MED13L: variants seen among roughly 807,000 people sequenced by gnomAD.
The protein encoded by MED13L is mediator complex subunit 13L.
Under a neutral mutation model 220.9 loss-of-function variants are expected in MED13L, and 7 were observed. That is an observed-to-expected ratio of 0.03 (90% CI 0.02 to 0.06). The LOEUF is 0.06. Among genes scored for constraint, MED13L ranks in the 10% least tolerant of loss-of-function variants. The pLI, the probability that MED13L is intolerant of heterozygous loss-of-function variation, is 1.00. For missense variants in MED13L, 1,965 were observed against 2,760.5 expected, an observed-to-expected ratio of 0.71 and a Z score of 6.46; for synonymous variants, 1,011 against 1,015.2, an observed-to-expected ratio of 1.00 and a Z score of 0.08.
At chr12:116,175,307 T>A (rs1239039755) in intron 2 of MED13L, among the ~76,000 whole-genome samples, 4 of 152,114 alleles carry the variant, frequency 2.6e-5, no homozygotes, top group Admixed American at 1.3e-4. Context: ...CTGAGTCCCC[T>A]ATTATGTGAG....
chr12:116,158,734 T>C (rs1352931567), intron 2 of MED13L, among the ~76,000 whole-genome samples: 7 of 152,226 alleles, frequency 4.6e-5, no homozygotes, highest in Non-Finnish European at 8.8e-5. Flanking sequence ...AGCATTGTGG[T>C]AATGTTGATA....
chr12:116,002,434 T>C (rs945748945), intron 14 of MED13L, among the ~76,000 whole-genome samples: 5 of 152,216 alleles, frequency 3.3e-5, no homozygotes, highest in Non-Finnish European at 7.3e-5. Flanking sequence ...CCACATAAGC[T>C]ACCCTTTTTT....
chr12:116,243,103 T>C (rs931584567), intron 1 of MED13L, among the ~76,000 whole-genome samples: 1 of 152,212 alleles, frequency 6.6e-6, no homozygotes, highest in Non-Finnish European at 1.5e-5. Flanking sequence ...TGCCTTCTTT[T>C]ACATGTTATC....
chr12:116,067,423 C>T (rs1870032797), intron 4 of MED13L, among the ~76,000 whole-genome samples: 1 of 152,156 alleles, frequency 6.6e-6, no homozygotes, highest in African/African-American at 2.4e-5. Context: ...TGCACTTTAA[C>T]AGACCTTTTG....
intron 25 of MED13L, 82 bp from the exon 26 acceptor site, chr12:115,972,318 G>T: frequency 9.1e-6 from 14 of 1,539,994 alleles, no homozygotes; most frequent in Non-Finnish European, 1.2e-5. Context: ...AGTTCTGCCC[G>T]GTAATTGAAT....
intron 4 of MED13L, among the ~76,000 whole-genome samples, chr12:116,091,698 G>C (rs1015231337): frequency 6.6e-6 from 1 of 152,162 alleles, no homozygotes; most frequent in African/African-American, 2.4e-5. Context: ...ACTGCAATCT[G>C]AATTTCACCA....
chr12:116,221,981 T>C (rs1183575911), intron 2 of MED13L, among the ~76,000 whole-genome samples: 1 of 152,184 alleles, frequency 6.6e-6, no homozygotes, highest in Non-Finnish European at 1.5e-5. Flanking sequence ...CCAATGCCCA[T>C]ATATAATTTA....
intron 29 of MED13L, among the ~76,000 whole-genome samples, chr12:115,965,804 T>C (rs78978596): frequency 1.3e-5 from 2 of 152,136 alleles, no homozygotes; most frequent in Non-Finnish European, 2.9e-5. Flanking sequence ...GACCATCACA[T>C]TGAACCCCAT....
intron 2 of MED13L, among the ~76,000 whole-genome samples, chr12:116,136,544 CAA>C (rs1249790916): frequency 2.6e-5 from 4 of 152,198 alleles, no homozygotes; most frequent in Middle Eastern, 3.4e-3. Flanking sequence ...GCATTTCAAA[CAA>C]GAGGAAATGG....
intron 2 of MED13L, among the ~76,000 whole-genome samples, chr12:116,141,499 T>C (rs57060349): frequency 0.16 from 23,953 of 152,118 alleles, 2,017 homozygotes; most frequent in South Asian, 0.22. Context: ...TTTCTATAAA[T>C]AAAATAATTG....
intron 4 of MED13L, among the ~76,000 whole-genome samples, chr12:116,065,164 G>A (rs1869824763): frequency 6.6e-6 from 1 of 152,094 alleles, no homozygotes; most frequent in Admixed American, 6.6e-5. Context: ...AATATCAAGT[G>A]CCATACATCA....
At position 115,960,890 on chromosome 12, in the gene MED13L, A is replaced by G. The variant is rs528772191; in HGVS notation, c.*376T>C. The G allele has an allele frequency of 2.6e-4, 86 of 326,658 alleles. No individual in the cohort carries two copies. The highest frequency in any genetic ancestry group is 2.4e-3 in the Admixed American group (61 of 24,898). 20.2% of individuals were successfully genotyped at this position (326,658 alleles called of 1,614,324 possible). ...AAGAGGATTTCATCCAAAGGGCTAG[A>G]CTGCCCTCAATTGTATACAGAGGCT... On this transcript the variant is annotated 3_prime_UTR_variant, in exon 31 of 31. Transcript: ENST00000281928.
chr12:116,066,820 G>A lies in MED13L; in HGVS notation c.479+29849C>T, dbSNP rs559546153. On this transcript the variant is annotated intron_variant, in intron 4 of 30. Transcript: ENST00000281928. ...ACTCTACCGGCTACCAACAGAGGGCGAAAGCGGTCACATGCAGCCACTCCA... is the reference window on the plus strand; with the variant it reads ...ACTCTACCGGCTACCAACAGAGGGCAAAAGCGGTCACATGCAGCCACTCCA... Among the ~76,000 whole-genome samples the A allele has an allele frequency of 5.3e-5, 8 of 150,514 alleles. No individual in the cohort carries two copies. The South Asian group carries it at 1.3e-3, about 24-fold the overall frequency.
At chr12:116,272,921 A>G (rs1873502233) in intron 1 of MED13L, among the ~76,000 whole-genome samples, 2 of 152,254 alleles carry the variant, frequency 1.3e-5, no homozygotes, top group Admixed American at 1.3e-4. Context: ...TATTGCTATT[A>G]AAAATATATA....
At chr12:116,248,466 G>A (rs1056684943) in intron 1 of MED13L, among the ~76,000 whole-genome samples, 6 of 151,750 alleles carry the variant, frequency 4.0e-5, no homozygotes, top group Admixed American at 2.6e-4. Context: ...AATATCAAAG[G>A]GCTAATTGAA....
At chr12:115,978,420 G>A (rs1877102875) in intron 23 of MED13L, among the ~76,000 whole-genome samples, 1 of 149,858 alleles carries the variant, frequency 6.7e-6, no homozygotes, top group Non-Finnish European at 1.5e-5. Context: ...TCCACCTCAT[G>A]GATTCAAGCA....
At chr12:116,216,766 C>T (rs1883022671) in intron 2 of MED13L, among the ~76,000 whole-genome samples, 1 of 152,166 alleles carries the variant, frequency 6.6e-6, no homozygotes, top group Non-Finnish European at 1.5e-5. Flanking sequence ...GGGGATTCAG[C>T]TCCTCAAGAG....
intron 2 of MED13L, among the ~76,000 whole-genome samples, chr12:116,143,742 A>G (rs1877271001): frequency 1.3e-5 from 2 of 152,228 alleles, no homozygotes; most frequent in South Asian, 2.1e-4. Context: ...GCGCAAAGCA[A>G]GAAAGGAAGA....
At chr12:116,022,213 T>C (rs990260933) in intron 5 of MED13L, among the ~76,000 whole-genome samples, 16 of 152,214 alleles carry the variant, frequency 1.1e-4, no homozygotes, top group African/African-American at 3.6e-4. Context: ...TACATTTTAT[T>C]CTTACAAAAG....
Sources: allele counts gnomAD v4.1 joint callset (sites outside exome capture counted in the v4.1 genomes callset), GRCh38; gene constraint gnomAD v4.1.1; transcripts MANE v1.5; gene names NCBI Gene and HGNC (gene_info 2026-07-23, HGNC 2026-07-21).